The following ANXA4 variants were observed in gnomAD, a reference collection of about 807,000 sequenced individuals.
ANXA4 encodes annexin A4.
In ANXA4, 39 loss-of-function variants were observed where a neutral mutation model predicts 49.8. That is an observed-to-expected ratio of 0.78 (90% confidence interval 0.61 to 1.02). The LOEUF (loss-of-function observed/expected upper bound fraction) is 1.02, where lower values mean the gene tolerates loss of function less well. Among genes scored for constraint, ANXA4 ranks in the 50% least tolerant of loss-of-function variants. The pLI is 0.00. For synonymous variants in ANXA4, 134 were observed against 152.5 expected (o/e 0.88, Z 0.89); for missense variants, 360 against 410.1 (o/e 0.88, Z 1.05).
intron 2 of ANXA4, among the ~76,000 whole-genome samples, chr2:69,695,054 G>A (rs1678116250): frequency 6.6e-6 from 1 of 152,078 alleles, no homozygotes; most frequent in Admixed American, 6.5e-5. Context: ...AGAGGTGGGA[G>A]TATCACTTGA....
At chr2:69,808,058 A>T in intron 6 of ANXA4, 62 bp downstream of exon 6, 1 of 1,506,850 alleles carries the variant, frequency 6.6e-7, no homozygotes, top group Non-Finnish European at 9.2e-7. Context: ...TGAGGGTAGC[A>T]GCGGGTTGTT....
intron 2 of ANXA4, among the ~76,000 whole-genome samples, chr2:69,661,221 C>CA (rs201916139): frequency 0.17 from 11,416 of 67,710 alleles, 540 homozygotes; most frequent in East Asian, 0.29. Flanking sequence ...AAGCTTCAGA[C>CA]AAAAAAAAAA....
At chr2:69,726,701 T>G (rs557232175) in intron 3 of ANXA4, among the ~76,000 whole-genome samples, 5 of 152,278 alleles carry the variant, frequency 3.3e-5, no homozygotes, top group Admixed American at 2.0e-4. Flanking sequence ...AAACCATAGA[T>G]GAATTGCACT....
chr2:69,718,812 T>C (rs1056932318), intron 2 of ANXA4, among the ~76,000 whole-genome samples: 2 of 150,886 alleles, frequency 1.3e-5, no homozygotes, highest in Non-Finnish European at 2.9e-5. Flanking sequence ...TACACACACA[T>C]GCTGCACACA....
intron 1 of ANXA4, among the ~76,000 whole-genome samples, chr2:69,752,556 C>G (rs973157237): frequency 6.6e-6 from 1 of 152,138 alleles, no homozygotes; most frequent in African/African-American, 2.4e-5. Flanking sequence ...AGGGGCCTCT[C>G]CTACACACTC....
At chr2:69,687,186 A>C (rs1401276487) in intron 2 of ANXA4, among the ~76,000 whole-genome samples, 2 of 152,174 alleles carry the variant, frequency 1.3e-5, no homozygotes, top group African/African-American at 4.8e-5. Flanking sequence ...GGATACAAGG[A>C]GACAGATTTC....
intron 3 of ANXA4, among the ~76,000 whole-genome samples, chr2:69,799,015 G>A (rs1375942787): frequency 6.6e-6 from 1 of 152,208 alleles, no homozygotes; most frequent in African/African-American, 2.4e-5. Context: ...TAGTAAAAAT[G>A]TCAGGGTTTT....
rs1421363785 is a variant in ANXA4, at chr2:69,688,587, T to G, written n.767-32187T>G. On this transcript the variant is annotated intron_variant and non_coding_transcript_variant, in intron 2 of 3. Transcript: ENST00000418066. The stretch of plus-strand genomic sequence containing the variant: ...TGGTTACGCTGAAGTACAGAAAATG[T>G]AAGATAAATGCTTCATTACCTGTGA... 3.3e-5 allele frequency among the ~76,000 whole-genome samples: 5 copies of G among 152,222 alleles called. No homozygotes were observed. In the East Asian group the frequency reaches 7.7e-4, roughly 23 times the overall value.
chr2:69,700,898 A>C (rs1229764072), intron 2 of ANXA4, among the ~76,000 whole-genome samples: 1 of 152,108 alleles, frequency 6.6e-6, no homozygotes, highest in Non-Finnish European at 1.5e-5. Flanking sequence ...TTTGAGACAG[A>C]GTCCCACTCT....
At chr2:69,718,772 CAT>C (rs1370480167) in intron 2 of ANXA4, among the ~76,000 whole-genome samples, 2 of 127,342 alleles carry the variant, frequency 1.6e-5, no homozygotes, top group Non-Finnish European at 2.9e-5. Flanking sequence ...CATACACACA[CAT>C]TCACACACAT....
At chr2:69,764,297 G>T (rs914566186) in intron 1 of ANXA4, among the ~76,000 whole-genome samples, 1 of 152,148 alleles carries the variant, frequency 6.6e-6, no homozygotes, top group Non-Finnish European at 1.5e-5. Context: ...GAAATTAAGC[G>T]ATCTTTCATG....
At chr2:69,814,098 G>A (rs746772310) in intron 8 of ANXA4, among the ~76,000 whole-genome samples, 2 of 151,596 alleles carry the variant, frequency 1.3e-5, no homozygotes, top group African/African-American at 2.4e-5. Context: ...CCATAATGAG[G>A]GATTGGTTCC....
At chr2:69,757,752 A>AT (rs1671121352) in intron 1 of ANXA4, among the ~76,000 whole-genome samples, 1 of 151,616 alleles carries the variant, frequency 6.6e-6, no homozygotes, top group Non-Finnish European at 1.5e-5. Flanking sequence ...AGGTCGAGAG[A>AT]TTGAGACCAT....
intron 2 of ANXA4, among the ~76,000 whole-genome samples, chr2:69,682,860 G>C (rs796126118): frequency 1.3e-5 from 2 of 152,258 alleles, no homozygotes; most frequent in African/African-American, 4.8e-5. Context: ...TTAACAAAAT[G>C]CTGTCAGTGT....
At chr2:69,812,620 G>A (rs372395797) in intron 7 of ANXA4, 33 bp from the exon 8 acceptor site, 13 of 1,594,464 alleles carry the variant, frequency 8.2e-6, no homozygotes, top group African/African-American at 4.0e-5. Flanking sequence ...GTATACTCTC[G>A]AATTATTTTT....
At chr2:69,821,402 C>G (rs3816491) in intron 12 of ANXA4, among the ~76,000 whole-genome samples, 1 of 151,890 alleles carries the variant, frequency 6.6e-6, no homozygotes, top group African/African-American at 2.4e-5. Context: ...AATCAGCGTT[C>G]GATCTGTGAA....
rs1167533242 is a variant in ANXA4, at chr2:69,825,634, C to T, written c.*119C>T. On this transcript the variant is annotated 3_prime_UTR_variant, in exon 13 of 13. Transcript: ENST00000394295. The stretch of plus-strand genomic sequence containing the variant: ...TTATTTCCAATTAAAACGCCTACAG[C>T]TGCCTCCTAGAATATAGACTGTCTG... The T allele has an allele frequency of 1.4e-6, 1 of 691,848 alleles. No individual in the cohort carries two copies. The highest frequency in any genetic ancestry group is 2.8e-5 in the East Asian group (1 of 35,754). 42.9% of individuals were successfully genotyped at this position (691,848 alleles called of 1,614,324 possible). A position where few individuals can be genotyped will look rare whatever the true frequency, so the allele number is the denominator to read the frequency against.
At chr2:69,794,504 TATATTA>T (rs1672836081) in intron 3 of ANXA4, among the ~76,000 whole-genome samples, 1 of 84,448 alleles carries the variant, frequency 1.2e-5, no homozygotes, top group Non-Finnish European at 2.4e-5. Flanking sequence ...TATGTTATGT[TATATTA>T]TGTTATGTTA....
At chr2:69,647,504 G>A (rs924227143) in intron 1 of ANXA4, among the ~76,000 whole-genome samples, 1 of 151,738 alleles carries the variant, frequency 6.6e-6, no homozygotes, top group Admixed American at 6.6e-5. Flanking sequence ...TGCCTCCCAG[G>A]CTCCAGCGAT....
Sources: gnomAD v4.1 joint callset for allele counts (sites outside exome capture counted in the v4.1 genomes callset) on GRCh38, gnomAD v4.1.1 for gene constraint, MANE v1.5 for transcripts, NCBI Gene and HGNC (gene_info 2026-07-23, HGNC 2026-07-21) for gene names.